Variants in EIF2AK3 observed in about 807,000 individuals in gnomAD.
EIF2AK3 encodes eukaryotic translation initiation factor 2 alpha kinase 3, also known as eukaryotic translation initiation factor 2-alpha kinase 3.
A neutral mutation model predicts 113.5 loss-of-function variants in EIF2AK3; 50 were observed. The ratio of observed to expected loss-of-function variants is 0.44; its 90% confidence interval spans 0.35 to 0.56. The LOEUF (loss-of-function observed/expected upper bound fraction) is 0.56. Among genes scored for constraint, EIF2AK3 ranks in the 20% least tolerant of loss-of-function variants. EIF2AK3 has a pLI of 0.00. For missense variants in EIF2AK3, 1,185 were observed against 1,378.0 expected (o/e 0.86, Z 2.22); for synonymous variants, 448 against 495.4 (o/e 0.90, Z 1.27).
chr2:88,585,800 G>T, intron 9 of EIF2AK3, 41 bp downstream of exon 9: 1 of 1,586,286 alleles, frequency 6.3e-7, no homozygotes, highest in East Asian at 2.2e-5. Context: ...AATAGGAGGT[G>T]GGGAAGTGGA....
intron 8 of EIF2AK3, among the ~76,000 whole-genome samples, chr2:88,586,765 T>C (rs1300343965): frequency 1.3e-5 from 2 of 151,510 alleles, no homozygotes; most frequent in African/African-American, 2.4e-5. Flanking sequence ...CTAATTTTTG[T>C]ATTTTTAGTA....
intron 2 of EIF2AK3, among the ~76,000 whole-genome samples, chr2:88,609,440 C>T (rs1434819865): frequency 6.6e-6 from 1 of 152,180 alleles, no homozygotes; most frequent in African/African-American, 2.4e-5. Context: ...TCTTCACTGT[C>T]ATACACCTGA....
intron 1 of EIF2AK3, among the ~76,000 whole-genome samples, chr2:88,619,270 C>T (rs1246689241): frequency 6.6e-6 from 1 of 152,206 alleles, no homozygotes; most frequent in South Asian, 2.1e-4. Flanking sequence ...GGATTATAGG[C>T]GTGAGCCACC....
At chr2:88,620,519 T>G (rs537514110) in intron 1 of EIF2AK3, among the ~76,000 whole-genome samples, 24 of 152,384 alleles carry the variant, frequency 1.6e-4, no homozygotes, top group African/African-American at 5.8e-4. Flanking sequence ...CACTTTTTAA[T>G]GTACCTTCTA....
intron 7 of EIF2AK3, 80 bp downstream of exon 7, chr2:88,588,681 T>C (rs1674800324): frequency 1.4e-6 from 2 of 1,422,002 alleles, no homozygotes; most frequent in Admixed American, 1.7e-5. Context: ...ATCTCTGCAG[T>C]ATTCAAAACT....
chr2:88,566,719 G>A (rs530130104), intron 14 of EIF2AK3, among the ~76,000 whole-genome samples: 12 of 151,694 alleles, frequency 7.9e-5, no homozygotes, highest in Non-Finnish European at 5.9e-5. Flanking sequence ...AGGCCAAGGC[G>A]GGAGGATTGC....
At chr2:88,594,074 G>T in intron 3 of EIF2AK3, 1 of 289,074 alleles carries the variant, frequency 3.5e-6, no homozygotes, top group Non-Finnish European at 5.2e-6. Flanking sequence ...TCAACACAAT[G>T]CAGATGCAGG....
At position 88,593,321 on chromosome 2, in the gene EIF2AK3, G is replaced by A. The variant is rs1674931124; in HGVS notation, c.718C>T (p.Arg240Cys). The change falls in exon 4 of 17, where the codon CGT becomes TGT. Residue 240 changes from arginine to cysteine, a missense_variant. By Grantham distance (180) the Arg-to-Cys change is radical. This residue lies in a region of EIF2AK3 where 119 missense variants were observed against 178.7 expected (regional missense o/e 0.67). Transcript: ENST00000303236. ...ACAGCTCTAACAGTTTTTTGGGTAC[G>A]CTGTAGAAGCAGGATGTCTTCCTCT... ...EQEEDILLLQ[R>C]TQKTVRAVGP... 1.2e-6 allele frequency: 2 copies of A among 1,613,968 alleles called. No homozygotes were observed. Among genetic ancestry groups the A allele is most frequent in the Non-Finnish European group, 1.7e-6 (2 of 1,179,976 alleles).
chr2:88,590,577 A>G lies in EIF2AK3; in HGVS notation c.1031T>C (p.Leu344Ser), dbSNP rs1674861382. Residue 344 changes from leucine to serine, a missense_variant, in exon 6 of 17, where the codon TTA becomes TCA. Coordinates refer to ENST00000303236, the MANE Select transcript of EIF2AK3 (RefSeq NM_004836.7). ...GGGAATGACTTTCCCATCCTTAAGTAACCAGGCAGATGCAATTGGAGTACA... is the reference window on the plus strand; with the variant it reads ...GGGAATGACTTTCCCATCCTTAAGTGACCAGGCAGATGCAATTGGAGTACA... ...QFCTPIASAW[L>S]LKDGKVIPIS... 1.2e-6 allele frequency: 2 copies of G among 1,613,186 alleles called. No individual in the cohort carries two copies. Among genetic ancestry groups the G allele is most frequent in the Non-Finnish European group, 1.7e-6 (2 of 1,179,944 alleles).
chr2:88,604,557 A>G (rs1675223633), intron 2 of EIF2AK3, among the ~76,000 whole-genome samples: 1 of 152,172 alleles, frequency 6.6e-6, no homozygotes, highest in East Asian at 1.9e-4. Flanking sequence ...TATTTGTACT[A>G]TAATTATTTC....
At chr2:88,625,276 C>T (rs1180302801) in intron 1 of EIF2AK3, among the ~76,000 whole-genome samples, 8 of 139,826 alleles carry the variant, frequency 5.7e-5, no homozygotes, top group Admixed American at 1.5e-4. Context: ...ATGTCTATAT[C>T]GCTTACGTAC....
At chr2:88,560,497 T>C (rs1228338543) in intron 15 of EIF2AK3, among the ~76,000 whole-genome samples, 1 of 152,188 alleles carries the variant, frequency 6.6e-6, no homozygotes, top group African/African-American at 2.4e-5. Context: ...ACTGTAGCCG[T>C]GAACTCCTGG....
intron 2 of EIF2AK3, among the ~76,000 whole-genome samples, chr2:88,612,861 T>C (rs1340409903): frequency 6.6e-6 from 1 of 151,890 alleles, no homozygotes; most frequent in Non-Finnish European, 1.5e-5. Context: ...CCCTAGGGAG[T>C]GTCCTACAAG....
At chr2:88,626,883 C>A in intron 1 of EIF2AK3, 84 bp downstream of exon 1, 1 of 1,542,872 alleles carries the variant, frequency 6.5e-7, no homozygotes, top group South Asian at 1.2e-5. Flanking sequence ...CCGCCCGGGT[C>A]CCGGATCTCC....
At chr2:88,585,080 G>T (rs1016057281) in intron 9 of EIF2AK3, among the ~76,000 whole-genome samples, 2 of 152,116 alleles carry the variant, frequency 1.3e-5, no homozygotes, top group Non-Finnish European at 2.9e-5. Flanking sequence ...TGAGGACTAG[G>T]GGCACAGAGG....
In EIF2AK3 at chr2:88,579,649, A is replaced by G. The variant is rs1674549513; in HGVS notation, c.1764-9T>C. 6.2e-7 allele frequency: 1 copy of G among 1,612,282 alleles called. No homozygotes were observed. The highest frequency in any genetic ancestry group is 8.5e-7 in the Non-Finnish European group (1 of 1,178,924). ...CAAAATCAGTTAGATATCTTTAAAA[A>G]GAGATAAAATTTATAAAGGTTTGCA... On this transcript the variant is annotated splice_polypyrimidine_tract_variant and intron_variant, in intron 10 of 16. Coordinates refer to ENST00000303236, the MANE Select transcript of EIF2AK3 (RefSeq NM_004836.7).
chr2:88,564,572 C>A (rs537767985), intron 14 of EIF2AK3, among the ~76,000 whole-genome samples: 6 of 152,138 alleles, frequency 3.9e-5, no homozygotes, highest in Non-Finnish European at 8.8e-5. Flanking sequence ...CACACACACA[C>A]AGCAGCCACA....
At chr2:88,578,964 A>G (rs1674530995) in intron 11 of EIF2AK3, among the ~76,000 whole-genome samples, 1 of 152,220 alleles carries the variant, frequency 6.6e-6, no homozygotes, top group Non-Finnish European at 1.5e-5. Flanking sequence ...ATGGACTATT[A>G]CCAAGCCATA....
Position 88,570,967 on chromosome 2 carries a change from C to T in EIF2AK3, c.2892G>A (p.Gln964=). The change falls in exon 14 of 17, where the codon CAG becomes CAA. Residue 964 remains glutamine, a synonymous_variant. Coordinates refer to ENST00000303236, the MANE Select transcript of EIF2AK3 (RefSeq NM_004836.7). The part of the protein sequence containing the change: ...GDFGLVTAMD[Q]DEEEQTVLTP... ...TCAGAACCGTCTGCTCTTCCTCATC[C>T]TGGTCCATTGCAGTCACTAACCCAA... The T allele has an allele frequency of 1.9e-6, 3 of 1,614,184 alleles. No individual in the cohort carries two copies. In the South Asian group the frequency reaches 3.3e-5, roughly 18 times the overall value.
Sources: allele counts gnomAD v4.1 joint callset (sites outside exome capture counted in the v4.1 genomes callset), GRCh38; gene constraint gnomAD v4.1.1; regional missense constraint gnomAD v4.1.1; transcripts MANE v1.5; gene names NCBI Gene and HGNC (gene_info 2026-07-23, HGNC 2026-07-21).